CALD1: variants seen among roughly 807,000 people sequenced by gnomAD.
CALD1 encodes the protein caldesmon 1.
CALD1 carries 33 observed loss-of-function variants against 99.9 expected under a neutral mutation model. That is an observed-to-expected ratio of 0.33 (90% CI 0.25 to 0.44). The LOEUF (loss-of-function observed/expected upper bound fraction) is 0.44. Among genes scored for constraint, CALD1 ranks in the 20% least tolerant of loss-of-function variants. The pLI is 1.00. For missense variants in CALD1, 861 were observed against 962.1 expected (o/e 0.89, Z 1.39); for synonymous variants, 310 against 325.0 (o/e 0.95, Z 0.50).
chr7:134,755,148 C>A (rs1796716570), intron 1 of CALD1, among the ~76,000 whole-genome samples: 1 of 151,974 alleles, frequency 6.6e-6, no homozygotes, highest in Admixed American at 6.6e-5. Flanking sequence ...TTACAGGCGC[C>A]CACTACCACT....
upstream of CALD1, among the ~76,000 whole-genome samples, chr7:134,775,003 G>GT (rs989933514): frequency 6.7e-5 from 10 of 148,282 alleles, no homozygotes; most frequent in African/African-American, 2.3e-4. Flanking sequence ...TGTTAATTCT[G>GT]TTTTTTATGT....
chr7:134,795,213 A>C (rs1195862905), intron 1 of CALD1, among the ~76,000 whole-genome samples: 1 of 152,158 alleles, frequency 6.6e-6, no homozygotes, highest in Non-Finnish European at 1.5e-5. Context: ...CTTATCTTGA[A>C]TTGGAGCCCC....
intron 3 of CALD1, among the ~76,000 whole-genome samples, chr7:134,911,875 A>G (rs2132707785): frequency 6.6e-6 from 1 of 152,362 alleles, no homozygotes; most frequent in Middle Eastern, 3.4e-3. Flanking sequence ...GGGAGATAAT[A>G]CACAAATAAC....
At chr7:134,729,301 G>A in the CALD1 span, among the ~76,000 whole-genome samples, 610 of 152,294 alleles carry the variant, frequency 4.0e-3, 3 homozygotes, top group South Asian at 0.018. Context: ...CATTTCTACA[G>A]ATGAGGAAAG....
the CALD1 span, among the ~76,000 whole-genome samples, chr7:134,736,132 T>C: frequency 1.3e-5 from 2 of 152,230 alleles, no homozygotes; most frequent in African/African-American, 2.4e-5. Context: ...TTCTCCTTTA[T>C]GTGTCTATTG....
At chr7:134,918,175 T>TA (rs1320354514) in intron 3 of CALD1, among the ~76,000 whole-genome samples, 1 of 152,196 alleles carries the variant, frequency 6.6e-6, no homozygotes, top group African/African-American at 2.4e-5. Flanking sequence ...CTTTTAAAAA[T>TA]AAATGTGAGA....
intron 1 of CALD1, among the ~76,000 whole-genome samples, chr7:134,752,162 T>C (rs532646546): frequency 1.8e-4 from 27 of 152,278 alleles, no homozygotes; most frequent in African/African-American, 6.3e-4. Flanking sequence ...CAGAGCTTAA[T>C]GGAATAGCTT....
intron 1 of CALD1, among the ~76,000 whole-genome samples, chr7:134,803,812 C>T (rs956436877): frequency 4.0e-5 from 6 of 151,870 alleles, no homozygotes; most frequent in African/African-American, 1.5e-4. Context: ...TCTCCTGCCT[C>T]AGCCTCCTGA....
At chr7:134,809,420 T>A (rs1021550825) in intron 1 of CALD1, among the ~76,000 whole-genome samples, 1 of 152,096 alleles carries the variant, frequency 6.6e-6, no homozygotes, top group Non-Finnish European at 1.5e-5. Flanking sequence ...CATTTCCTCA[T>A]CCATTAAAAG....
the CALD1 span, among the ~76,000 whole-genome samples, chr7:134,716,945 T>A: frequency 6.6e-6 from 1 of 152,222 alleles, no homozygotes; most frequent in South Asian, 2.1e-4. Context: ...TACCATACTA[T>A]CTCTCAAATA....
rs1261606434 is a variant in CALD1 at position 134,793,014 on chromosome 7, T to C, written c.-130+13265T>C. ...TGACGCACTGAAGTACAGCTTCACA[T>C]ACTGTGGCCTATCTGTGGACAGCTA... On this transcript the variant is annotated intron_variant, in intron 1 of 14. Coordinates refer to ENST00000361675, the MANE Select transcript of CALD1 (RefSeq NM_033138.4). 2.6e-5 allele frequency among the ~76,000 whole-genome samples: 4 copies of C among 152,230 alleles called. No homozygotes were observed. The East Asian group carries it at 5.8e-4, about 22-fold the overall frequency.
In CALD1 at chr7:134,822,437, T is replaced by A. The variant is rs537747557; in HGVS notation, c.-129-21447T>A. ...TCTGAACAAGATATGAATTGATCAG[T>A]TCACTTGTCAAACAAGAAAGACATT... On this transcript the variant is annotated intron_variant, in intron 1 of 14. Transcript: ENST00000361675. Among the ~76,000 whole-genome samples the A allele has an allele frequency of 7.2e-5, 11 of 152,332 alleles. No homozygotes were observed. The South Asian group carries it at 2.3e-3, about 32-fold the overall frequency.
chr7:134,880,615 A>C (rs1801553590), intron 3 of CALD1, among the ~76,000 whole-genome samples: 1 of 152,000 alleles, frequency 6.6e-6, no homozygotes, highest in Admixed American at 6.6e-5. Flanking sequence ...TGTTGTGTAG[A>C]TCTTGATCTT....
chr7:134,928,834 G>A lies in CALD1; in HGVS notation c.152G>A (p.Arg51Gln), dbSNP rs374937211. ...RRRRARQERLRQKQEEESLGQ... is the reference protein window; with the variant it reads ...RRRRARQERLQQKQEEESLGQ... ...CGCCGAGCCCGACAGGAACGGCTGC[G>A]GCAGAAGCAGGAGGAAGAATCCTTG... is the stretch of plus-strand genomic sequence containing the variant. Residue 51 changes from arginine (R) to glutamine (Q), a missense_variant, in exon 4 of 15, where the codon CGG becomes CAG. Around this residue, in one of 5 missense-constraint regions of CALD1, gnomAD observed 123 missense variants for 169.8 expected, o/e 0.72. Transcript: ENST00000361675. 3.1e-5 allele frequency: 50 copies of A among 1,614,008 alleles called. No homozygotes were observed. Among genetic ancestry groups the A allele is most frequent in the African/African-American group, 4.0e-5 (3 of 75,046 alleles).
the CALD1 span, among the ~76,000 whole-genome samples, chr7:134,738,004 A>G: frequency 1.3e-5 from 2 of 152,206 alleles, no homozygotes; most frequent in African/African-American, 2.4e-5. Context: ...AAAGAGAGAC[A>G]AATGTGTTTC....
intron 2 of CALD1, among the ~76,000 whole-genome samples, chr7:134,845,032 C>T (rs1032479885): frequency 6.6e-6 from 1 of 152,148 alleles, no homozygotes. Flanking sequence ...CCATCATTTT[C>T]CCTCTCTAAT....
intron 3 of CALD1, among the ~76,000 whole-genome samples, chr7:134,921,235 G>A (rs1275649679): frequency 6.6e-6 from 1 of 152,080 alleles, no homozygotes; most frequent in East Asian, 1.9e-4. Flanking sequence ...TATATGCACT[G>A]GTTTATAATA....
chr7:134,918,012 A>G (rs1804341611), intron 3 of CALD1, among the ~76,000 whole-genome samples: 1 of 152,186 alleles, frequency 6.6e-6, no homozygotes. Flanking sequence ...TATCTGAGCA[A>G]GCTTATTGAT....
intron 13 of CALD1, among the ~76,000 whole-genome samples, chr7:134,963,093 G>A (rs375930609): frequency 6.6e-6 from 1 of 152,140 alleles, no homozygotes; most frequent in African/African-American, 2.4e-5. Flanking sequence ...GTAGAAGAAC[G>A]TGCATGAGAA....
Sources: allele counts gnomAD v4.1 joint callset (sites outside exome capture counted in the v4.1 genomes callset), GRCh38; gene constraint gnomAD v4.1.1; regional missense constraint gnomAD v4.1.1; transcripts MANE v1.5; gene names NCBI Gene and HGNC (gene_info 2026-07-23, HGNC 2026-07-21).